Variants in ZNF705G observed in about 807,000 individuals in gnomAD.
The protein encoded by ZNF705G is putative zinc finger protein 705G.
A neutral mutation model predicts 19.6 loss-of-function variants in ZNF705G; 23 were observed. The ratio of observed to expected loss-of-function variants is 1.17; its 90% confidence interval spans 0.84 to 1.66. The LOEUF (loss-of-function observed/expected upper bound fraction) is 1.66, where lower values mean the gene tolerates loss of function less well. Among genes scored for constraint, ZNF705G ranks in the 40% most tolerant of loss-of-function variants. The pLI is 0.00. For synonymous variants in ZNF705G, 146 were observed against 117.7 expected (o/e 1.24, Z -1.56); for missense variants, 457 against 354.4 (o/e 1.29, Z -2.32).
rs189596480 is a variant in ZNF705G, at chr8:7,369,313, A to C, written c.-71-6296T>G. 8.0e-5 allele frequency among the ~76,000 whole-genome samples: 12 copies of C among 149,706 alleles called. 1 individual carries two copies. The highest frequency in any genetic ancestry group is 3.1e-4 in the African/African-American group (12 of 39,100). ...TGGGAAAGCCTGTATGTCCAATAGA[A>C]GTCTGCTGGGGTGGAGACTTCATGG... is the stretch of plus-strand genomic sequence containing the variant. On this transcript the variant is annotated intron_variant, in intron 2 of 6. Transcript: ENST00000400156.
chr8:7,379,879 C>T lies in ZNF705G; in HGVS notation c.-72+1573G>A, dbSNP rs1199478673. Among the ~76,000 whole-genome samples the T allele has an allele frequency of 3.4e-5, 5 of 145,882 alleles. No homozygotes were observed. The South Asian group carries it at 1.1e-3, about 31-fold the overall frequency. The stretch of plus-strand genomic sequence containing the variant: ...CTGTGGCACAATGCCAATTTGAGAG[C>T]CCAGCCCCCAAAAGACTACATCCTG... On this transcript the variant is annotated intron_variant, in intron 2 of 6. Transcript: ENST00000400156.
chr8:7,363,505 A>G (rs1398402561), intron 2 of ZNF705G, among the ~76,000 whole-genome samples: 1 of 149,306 alleles, frequency 6.7e-6, no homozygotes, highest in African/African-American at 2.6e-5. Context: ...TTCCCCTTGG[A>G]ACTTGGAAAT....
At chr8:7,367,688 TC>T (rs1482348262) in intron 2 of ZNF705G, among the ~76,000 whole-genome samples, 1 of 149,620 alleles carries the variant, frequency 6.7e-6, no homozygotes, top group East Asian at 1.9e-4. Context: ...TCGGGTCTCT[TC>T]CAAGAGAATT....
Position 7,357,971 on chromosome 8 carries a change from T to C in ZNF705G, c.*5A>G. The C allele has an allele frequency of 6.2e-7, 1 of 1,609,276 alleles. No homozygotes were observed. Among genetic ancestry groups the C allele is most frequent in the Non-Finnish European group, 8.5e-7 (1 of 1,179,758 alleles). ...TGGCTTTTCTCCAGTGCGTGTTCTC[T>C]CATGTCATCTAAGGTTGGAAGACAG... On this transcript the variant is annotated 3_prime_UTR_variant, in exon 7 of 7. Coordinates refer to ENST00000400156, the MANE Select transcript of ZNF705G (RefSeq NM_001164457.3).
chr8:7,384,055 A>G (rs1481465523), intron 1 of ZNF705G, among the ~76,000 whole-genome samples: 1 of 134,402 alleles, frequency 7.4e-6, no homozygotes, highest in Admixed American at 7.1e-5. Flanking sequence ...TGAGATGTAG[A>G]CATCAGAGAA....
At chr8:7,380,976 A>G (rs1368685382) in intron 2 of ZNF705G, among the ~76,000 whole-genome samples, 3 of 108,276 alleles carry the variant, frequency 2.8e-5, no homozygotes, top group Admixed American at 1.0e-4. Flanking sequence ...AAATTGTGCC[A>G]CTGCACTGCA....
At chr8:7,370,902 T>C (rs1392672046) in intron 2 of ZNF705G, among the ~76,000 whole-genome samples, 1 of 120,498 alleles carries the variant, frequency 8.3e-6, no homozygotes, top group Non-Finnish European at 1.7e-5. Context: ...AATGAGATCA[T>C]GTTCTTTGCA....
chr8:7,356,384 G>A lies in ZNF705G; in HGVS notation c.*1592C>T, dbSNP rs1806246680. ...TACTTCCAGTTAGAGAGGCTCCAGGGACAAAATTTCAAGAGTCTTCTGAGG... is the reference window on the plus strand; with the variant it reads ...TACTTCCAGTTAGAGAGGCTCCAGGAACAAAATTTCAAGAGTCTTCTGAGG... On this transcript the variant is annotated 3_prime_UTR_variant, in exon 7 of 7. Transcript: ENST00000400156. The A allele has an allele frequency of 6.7e-6, 1 of 149,878 alleles. No homozygotes were observed. The highest frequency in any genetic ancestry group is 6.6e-5 in the Admixed American group (1 of 15,238). The allele number at this position is 149,878 out of a possible 1,614,324, so 9.3% of individuals were successfully genotyped here.
chr8:7,384,114 ATT>A (rs57150835), intron 1 of ZNF705G, among the ~76,000 whole-genome samples: 28 of 108,004 alleles, frequency 2.6e-4, no homozygotes, highest in African/African-American at 5.9e-4. Context: ...AATAGAGACA[ATT>A]TTTTTTTTGT....
At chr8:7,378,822 G>A (rs1327690136) in intron 2 of ZNF705G, among the ~76,000 whole-genome samples, 2 of 146,664 alleles carry the variant, frequency 1.4e-5, no homozygotes. Context: ...CCTATTTTAA[G>A]GTCAGGTGAT....
chr8:7,364,385 T>C (rs1247939362), intron 2 of ZNF705G, among the ~76,000 whole-genome samples: 3 of 149,742 alleles, frequency 2.0e-5, no homozygotes, highest in African/African-American at 7.7e-5. Context: ...AGAGTAACTT[T>C]GTATTAATTG....
rs1357389531 is a variant in ZNF705G at position 7,360,608 on chromosome 8, A to T, written c.140-276T>A. Among the ~76,000 whole-genome samples the T allele has an allele frequency of 1.3e-5, 2 of 149,512 alleles. 1 individual carries two copies. The highest frequency in any genetic ancestry group is 5.1e-5 in the African/African-American group (2 of 38,952). On this transcript the variant is annotated intron_variant, in intron 4 of 6. Transcript: ENST00000400156. The stretch of plus-strand genomic sequence containing the variant: ...TAAGTTCCAAGACGCAATGCATAAT[A>T]CACAATCTTTTCAGAAAGAGAGTAA...
chr8:7,366,530 A>G (rs1286590889), intron 2 of ZNF705G, among the ~76,000 whole-genome samples: 2 of 149,610 alleles, frequency 1.3e-5, no homozygotes, highest in African/African-American at 5.1e-5. Context: ...CAAGGGAGAA[A>G]TCTATTTTAA....
At chr8:7,361,341 A>G in intron 3 of ZNF705G, 105 bp from the exon 4 acceptor site, 1 of 1,579,014 alleles carries the variant, frequency 6.3e-7, no homozygotes, top group Admixed American at 1.7e-5. Context: ...CAGAATACTC[A>G]GTGTTTTGGG....
intron 2 of ZNF705G, among the ~76,000 whole-genome samples, chr8:7,368,090 A>T (rs1806943139): frequency 6.7e-6 from 1 of 149,290 alleles, no homozygotes; most frequent in Admixed American, 6.6e-5. Context: ...GCTTCCCCTT[A>T]TATATGAAAA....
At position 7,357,943 on chromosome 8, in the gene ZNF705G, A is replaced by G. The variant is rs754656384; in HGVS notation, c.*33T>C. 19 of 1,607,462 alleles carry G rather than the reference A, an allele frequency of 1.2e-5. No homozygotes were observed. Among genetic ancestry groups the G allele is most frequent in the Non-Finnish European group, 1.5e-5 (18 of 1,179,352 alleles). ...AGGCTTTCCCACATAAATGGCATTC[A>G]TATGGCTTTTCTCCAGTGCGTGTTC... On this transcript the variant is annotated 3_prime_UTR_variant, in exon 7 of 7. Transcript: ENST00000400156.
At chr8:7,383,908 A>G (rs1287602807) in intron 1 of ZNF705G, among the ~76,000 whole-genome samples, 36 of 142,576 alleles carry the variant, frequency 2.5e-4, no homozygotes, top group African/African-American at 7.1e-4. Flanking sequence ...AAATGGACTA[A>G]GGCAGGAAGG....
chr8:7,360,814 C>T (rs1362996873), intron 4 of ZNF705G, among the ~76,000 whole-genome samples: 1 of 149,422 alleles, frequency 6.7e-6, no homozygotes, highest in Admixed American at 6.6e-5. Flanking sequence ...ATTTAATACA[C>T]TGAAAACATT....
chr8:7,367,225 G>A lies in ZNF705G; in HGVS notation c.-71-4208C>T, dbSNP rs190472022. Among the ~76,000 whole-genome samples the A allele has an allele frequency of 3.8e-3, 567 of 149,512 alleles. 4 individuals carry two copies. Among genetic ancestry groups the A allele is most frequent in the Non-Finnish European group, 6.1e-3 (412 of 67,962 alleles). ...AAGGCTTGTCTTGTTACAGGTAGAA[G>A]AGCATGAGCAGGGCAGGAGAGGGCT... On this transcript the variant is annotated intron_variant, in intron 2 of 6. Coordinates refer to ENST00000400156, the MANE Select transcript of ZNF705G (RefSeq NM_001164457.3).
Sources: gnomAD v4.1 joint callset for allele counts (sites outside exome capture counted in the v4.1 genomes callset) on GRCh38, gnomAD v4.1.1 for gene constraint, MANE v1.5 for transcripts, NCBI Gene and HGNC (gene_info 2026-07-23, HGNC 2026-07-21) for gene names.